Variants in ADAMTS6 observed in about 807,000 individuals in gnomAD.
ADAMTS6 encodes the protein ADAM metallopeptidase with thrombospondin type 1 motif 6.
A neutral mutation model predicts 144.3 loss-of-function variants in ADAMTS6; 23 were observed. That is an observed-to-expected ratio of 0.16 (90% CI 0.11 to 0.23). ADAMTS6 has a LOEUF of 0.23. ADAMTS6 is among the 10% of genes least tolerant of loss of function. The pLI is 1.00. For missense variants in ADAMTS6, 999 were observed against 1,379.6 expected, an observed-to-expected ratio of 0.72 and a Z score of 4.37; for synonymous variants, 444 against 457.5, an observed-to-expected ratio of 0.97 and a Z score of 0.38.
At chr5:65,449,570 G>A (rs1022240395) in intron 7 of ADAMTS6, among the ~76,000 whole-genome samples, 2 of 151,898 alleles carry the variant, frequency 1.3e-5, no homozygotes, top group South Asian at 2.1e-4. Flanking sequence ...GCAGTGAGCC[G>A]AGATCACGCC....
At chr5:65,436,829 G>T (rs1359202810) in intron 7 of ADAMTS6, among the ~76,000 whole-genome samples, 1 of 150,886 alleles carries the variant, frequency 6.6e-6, no homozygotes, top group Non-Finnish European at 1.5e-5. Context: ...CTGCACTCCA[G>T]CCTCGATTAC....
At chr5:65,197,218 C>A in intron 20 of ADAMTS6, 67 bp from the exon 21 acceptor site, 2 of 1,555,210 alleles carry the variant, frequency 1.3e-6, no homozygotes, top group South Asian at 2.4e-5. Flanking sequence ...GTATGCATAG[C>A]TTTCCTCTGT....
chr5:65,375,616 G>T (rs533291881), intron 7 of ADAMTS6, among the ~76,000 whole-genome samples: 36 of 151,932 alleles, frequency 2.4e-4, no homozygotes, highest in African/African-American at 3.1e-4. Flanking sequence ...AAACAACAGG[G>T]GCTGAAGAAG....
intron 7 of ADAMTS6, among the ~76,000 whole-genome samples, chr5:65,427,646 A>G (rs1193921397): frequency 6.6e-6 from 1 of 152,026 alleles, no homozygotes; most frequent in Non-Finnish European, 1.5e-5. Flanking sequence ...AAAATACAAA[A>G]AATAAGCCGG....
intron 7 of ADAMTS6, among the ~76,000 whole-genome samples, chr5:65,424,818 T>G: frequency 6.6e-6 from 1 of 152,348 alleles, no homozygotes; most frequent in Non-Finnish European, 1.5e-5. Flanking sequence ...TTTAATTATG[T>G]TGTTTTCCTT....
intron 7 of ADAMTS6, among the ~76,000 whole-genome samples, chr5:65,402,973 T>A (rs116490198): frequency 0.014 from 2,129 of 152,210 alleles, 48 homozygotes; most frequent in African/African-American, 0.049. Flanking sequence ...TCTTCCTTTT[T>A]TTTTCATAAA....
At chr5:65,194,698 C>T (rs1295868047) in intron 21 of ADAMTS6, among the ~76,000 whole-genome samples, 1 of 152,126 alleles carries the variant, frequency 6.6e-6, no homozygotes, top group Non-Finnish European at 1.5e-5. Context: ...TAAGTATCTA[C>T]ATTTAGGTCT....
intron 9 of ADAMTS6, among the ~76,000 whole-genome samples, chr5:65,313,154 C>T (rs1324926135): frequency 6.6e-6 from 1 of 151,060 alleles, no homozygotes; most frequent in African/African-American, 2.4e-5. Context: ...CACACACACA[C>T]ACACACACAC....
intron 18 of ADAMTS6, among the ~76,000 whole-genome samples, chr5:65,220,655 G>T (rs1249423972): frequency 6.6e-6 from 1 of 152,152 alleles, no homozygotes. Flanking sequence ...GCTGAGGCAG[G>T]AGAATGGCAT....
chr5:65,389,080 T>G (rs998779693), intron 7 of ADAMTS6, among the ~76,000 whole-genome samples: 14 of 152,134 alleles, frequency 9.2e-5, no homozygotes, highest in Non-Finnish European at 1.9e-4. Flanking sequence ...GGCGGACGCC[T>G]GTAGTCCCAG....
In ADAMTS6 at chr5:65,382,446, C is replaced by T. The variant is rs569691989; in HGVS notation, c.1074-48361G>A. Among the ~76,000 whole-genome samples, 6 of 152,278 alleles carry T rather than the reference C, an allele frequency of 3.9e-5. No homozygotes were observed. In the East Asian group the frequency reaches 1.2e-3, roughly 29 times the overall value. On this transcript the variant is annotated intron_variant, in intron 7 of 24. Coordinates refer to ENST00000381055, the MANE Select transcript of ADAMTS6 (RefSeq NM_197941.4). ...GAAAGTACTCATTTGAAATTGGATA[C>T]TTATATTTTGGGTCATGATTGTCAA... is the stretch of plus-strand genomic sequence containing the variant.
chr5:65,262,710 A>G lies in ADAMTS6; in HGVS notation c.1766+107T>C, dbSNP rs1005427812. ...CCTATGGCTTGTTCTGAAGACAAGT[A>G]CTTGGCTCACTAGCGAAACGTTTTT... On this transcript the variant is annotated intron_variant, in intron 13 of 24. Coordinates refer to ENST00000381055, the MANE Select transcript of ADAMTS6 (RefSeq NM_197941.4). The G allele has an allele frequency of 2.3e-6, 3 of 1,321,050 alleles. No individual in the cohort carries two copies. In the African/African-American group the frequency reaches 4.6e-5, roughly 20 times the overall value. The allele number at this position is 1,321,050 out of a possible 1,614,324, so 81.8% of individuals were successfully genotyped here.
At position 65,460,205 on chromosome 5, in the gene ADAMTS6, CGTT is replaced by C. The variant is rs1759541190; in HGVS notation, c.593_595del (p.Gln198del). ...ACAATGAGAGTGATCATACAGATGTCGTTGTTGAAGGGCAGACTTTTTGTAAAT... is the reference window on the plus strand; with the variant it reads ...ACAATGAGAGTGATCATACAGATGTCGTTGAAGGGCAGACTTTTTGTAAAT... On this transcript the variant is annotated inframe_deletion, in exon 4 of 25. Transcript: ENST00000381055. The C allele has an allele frequency of 6.2e-7, 1 of 1,613,926 alleles. No individual in the cohort carries two copies. The highest frequency in any genetic ancestry group is 8.5e-7 in the Non-Finnish European group (1 of 1,179,980).
chr5:65,341,854 T>C (rs907854194), intron 7 of ADAMTS6, among the ~76,000 whole-genome samples: 2 of 151,948 alleles, frequency 1.3e-5, no homozygotes, highest in South Asian at 4.2e-4. Context: ...GAGGCCACCA[T>C]AACTCTGATA....
At chr5:65,180,047 G>C (rs1040368920) in intron 22 of ADAMTS6, among the ~76,000 whole-genome samples, 4 of 152,018 alleles carry the variant, frequency 2.6e-5, no homozygotes, top group African/African-American at 9.7e-5. Flanking sequence ...TCTTTATCTG[G>C]AAAGGTGACA....
intron 7 of ADAMTS6, 72 bp downstream of exon 7, chr5:65,451,403 C>A: frequency 1.9e-6 from 3 of 1,583,438 alleles, no homozygotes; most frequent in Non-Finnish European, 2.6e-6. Context: ...TGAGGCTTTA[C>A]ATAGAACCAA....
chr5:65,274,195 T>C lies in ADAMTS6; in HGVS notation c.1513-748A>G, dbSNP rs2112661003. Among the ~76,000 whole-genome samples the C allele has an allele frequency of 2.0e-5, 3 of 152,262 alleles. No homozygotes were observed. In the South Asian group the frequency reaches 6.2e-4, roughly 32 times the overall value. On this transcript the variant is annotated intron_variant, in intron 11 of 24. Coordinates refer to ENST00000381055, the MANE Select transcript of ADAMTS6 (RefSeq NM_197941.4). Reference sequence around the variant, plus strand: ...ATATTGACAATATAAAATACTTTTTTGTTAATACTATATTAACATATCAGA... The same window carrying C: ...ATATTGACAATATAAAATACTTTTTCGTTAATACTATATTAACATATCAGA...
At chr5:65,360,139 C>A (rs1749691714) in intron 7 of ADAMTS6, among the ~76,000 whole-genome samples, 1 of 152,162 alleles carries the variant, frequency 6.6e-6, no homozygotes, top group African/African-American at 2.4e-5. Context: ...TGCTGGCCAT[C>A]TGTTTGGTTT....
chr5:65,211,726 GC>G (rs1465857846), intron 20 of ADAMTS6, among the ~76,000 whole-genome samples: 5 of 152,116 alleles, frequency 3.3e-5, no homozygotes, highest in Non-Finnish European at 7.4e-5. Flanking sequence ...GCAAAGCTTT[GC>G]CCCACTCTAT....
Sources: gnomAD v4.1 joint callset for allele counts (sites outside exome capture counted in the v4.1 genomes callset) on GRCh38, gnomAD v4.1.1 for gene constraint, MANE v1.5 for transcripts, NCBI Gene and HGNC (gene_info 2026-07-23, HGNC 2026-07-21) for gene names.